Variants in MYO1F observed in about 807,000 individuals in gnomAD.
MYO1F encodes the protein myosin IF.
MYO1F carries 60 observed loss-of-function variants against 146.6 expected under a neutral mutation model. The ratio of observed to expected loss-of-function variants is 0.41; its 90% confidence interval spans 0.33 to 0.51. The LOEUF is 0.51. MYO1F is among the 20% of genes least tolerant of loss of function. MYO1F has a pLI of 0.25. For missense variants in MYO1F, 1,274 were observed against 1,534.3 expected (o/e 0.83, Z 2.83); for synonymous variants, 602 against 602.1 (o/e 1.00, Z 0.00).
intron 19 of MYO1F, among the ~76,000 whole-genome samples, chr19:8,531,867 C>T (rs1972501286): frequency 1.3e-5 from 2 of 150,378 alleles, no homozygotes; most frequent in Non-Finnish European, 3.0e-5. Context: ...CCTGTAATCC[C>T]AGCATTTTGG....
intron 1 of MYO1F, among the ~76,000 whole-genome samples, chr19:8,565,711 G>C (rs1027971701): frequency 1.3e-5 from 2 of 151,902 alleles, no homozygotes; most frequent in African/African-American, 4.8e-5. Context: ...TCAGTGGGTG[G>C]GGACACGGGA....
intron 9 of MYO1F, 32 bp from the exon 10 acceptor site, chr19:8,550,388 A>G: frequency 6.3e-7 from 1 of 1,597,258 alleles, no homozygotes; most frequent in Non-Finnish European, 8.5e-7. Flanking sequence ...CAAAAATGGG[A>G]CAGTTGGTTG....
At chr19:8,562,259 A>C (rs529357123) in intron 1 of MYO1F, among the ~76,000 whole-genome samples, 2 of 150,258 alleles carry the variant, frequency 1.3e-5, no homozygotes, top group South Asian at 2.1e-4. Flanking sequence ...CCTTGGCCTC[A>C]CAAAGCACTG....
At chr19:8,542,067 C>A in intron 14 of MYO1F, 76 bp from the exon 15 acceptor site, 2 of 1,225,078 alleles carry the variant, frequency 1.6e-6, no homozygotes, top group South Asian at 1.2e-5. Flanking sequence ...TGCTTACAGC[C>A]CAGGTGGTCA....
intron 19 of MYO1F, among the ~76,000 whole-genome samples, chr19:8,531,169 G>A (rs899845039): frequency 1.3e-5 from 2 of 151,782 alleles, no homozygotes; most frequent in Non-Finnish European, 2.9e-5. Context: ...TCAACATGGA[G>A]AAACCCTGTC....
chr19:8,577,222 T>G lies in MYO1F; in HGVS notation c.3+85A>C. 1.3e-6 allele frequency: 2 copies of G among 1,522,896 alleles called. No individual in the cohort carries two copies. The highest frequency in any genetic ancestry group is 9.0e-7 in the Non-Finnish European group (1 of 1,110,934). 94.3% of individuals were successfully genotyped at this position (1,522,896 alleles called of 1,614,324 possible). A position where few individuals can be genotyped will look rare whatever the true frequency, so the allele number is the denominator to read the frequency against. ...CACCATGCCCCTCCCCTCACCCCAA[T>G]TTCTGATGGTCATTTTTAGGACACC... On this transcript the variant is annotated intron_variant, in intron 1 of 27. Coordinates refer to ENST00000644032, the MANE Select transcript of MYO1F (RefSeq NM_012335.4). This position sits in a 1 kb window ranked among gnomAD's most constrained non-coding sequence, Gnocchi z 4.3.
intron 2 of MYO1F, chr19:8,555,349 C>T: frequency 3.4e-6 from 1 of 297,354 alleles, no homozygotes; most frequent in Non-Finnish European, 6.2e-6. Flanking sequence ...CAGCCTGGAA[C>T]CTGGGCGACA....
chr19:8,551,481 A>C, intron 8 of MYO1F: 2 of 455,486 alleles, frequency 4.4e-6, no homozygotes, highest in African/African-American at 2.0e-5. Context: ...CCTCCCCAGT[A>C]GCTGGGATTA....
At chr19:8,522,885 G>A (rs1972119266) in intron 25 of MYO1F, 56 bp from the exon 26 acceptor site, 2 of 1,480,170 alleles carry the variant, frequency 1.4e-6, no homozygotes, top group Admixed American at 2.0e-5. Context: ...GAGGATTTGA[G>A]GAGGACTTGG....
chr19:8,543,628 C>G (rs1973073460), intron 14 of MYO1F, among the ~76,000 whole-genome samples: 1 of 145,348 alleles, frequency 6.9e-6, no homozygotes, highest in African/African-American at 2.6e-5. Context: ...AGCCCTGGCC[C>G]AGGGAACACG....
chr19:8,543,151 G>T (rs1013718527), intron 14 of MYO1F, among the ~76,000 whole-genome samples: 1 of 152,004 alleles, frequency 6.6e-6, no homozygotes, highest in Non-Finnish European at 1.5e-5. Context: ...TGATCCACCC[G>T]CCTCAGCCTC....
Position 8,541,987 on chromosome 19 carries a change from G to A in MYO1F, c.1529C>T (p.Ser510Phe), listed in dbSNP as rs1487464969. The change falls in exon 15 of 28, where the codon TCC (serine) becomes TTC (phenylalanine). Residue 510 changes from serine to phenylalanine, a missense_variant. Physicochemically the swap from Ser to Phe is radical, Grantham distance 155. This residue lies in a region of MYO1F where 900 missense variants were observed against 1,155.1 expected (regional missense o/e 0.78). Transcript: ENST00000644032. ...FVIHHYAGKVSYDVSGFCERN... is the reference protein window; with the variant it reads ...FVIHHYAGKVFYDVSGFCERN... ...CTCGCAGAAGCCGCTGACGTCGTAG[G>A]AGACCTGGAGGGGACAGTGCTGAGG... The A allele has an allele frequency of 6.2e-7, 1 of 1,613,108 alleles. No homozygotes were observed. Among genetic ancestry groups the A allele is most frequent in the South Asian group, 1.1e-5 (1 of 91,086 alleles).
chr19:8,527,234 T>C, intron 22 of MYO1F, 104 bp downstream of exon 22: 1 of 1,497,510 alleles, frequency 6.7e-7, no homozygotes, highest in Non-Finnish European at 9.2e-7. Context: ...GCTACAGGCA[T>C]GGCACCAGGT....
chr19:8,528,082 C>T (rs1209083913), intron 21 of MYO1F, among the ~76,000 whole-genome samples: 1 of 151,910 alleles, frequency 6.6e-6, no homozygotes, highest in African/African-American at 2.4e-5. Context: ...ATTAGCTGGG[C>T]GAGGTGGTGG....
At chr19:8,522,237 T>G in intron 27 of MYO1F, 140 bp downstream of exon 27, 1 of 1,038,882 alleles carries the variant, frequency 9.6e-7, no homozygotes, top group Admixed American at 1.9e-5. Flanking sequence ...TTAGCCAGGA[T>G]GGTCTCGATC....
intron 25 of MYO1F, 105 bp downstream of exon 25, chr19:8,525,374 G>A (rs1972221659): frequency 2.1e-6 from 2 of 958,402 alleles, no homozygotes; most frequent in Non-Finnish European, 3.3e-6. Context: ...GGACAGAGAA[G>A]TGAGTGGTAA....
chr19:8,562,092 T>C (rs1041441074), intron 1 of MYO1F, among the ~76,000 whole-genome samples: 2 of 151,774 alleles, frequency 1.3e-5, no homozygotes, highest in African/African-American at 4.8e-5. Flanking sequence ...TGAAGGGCAG[T>C]GGCACAATCT....
At chr19:8,529,157 C>T (rs919443663) in intron 21 of MYO1F, among the ~76,000 whole-genome samples, 1 of 151,908 alleles carries the variant, frequency 6.6e-6, no homozygotes, top group Non-Finnish European at 1.5e-5. Flanking sequence ...GTGAGGGTGT[C>T]CAGGCCATAT....
At chr19:8,574,551 CTTTCTTTCTTTCTTTCTTTCTTTCTT>C (rs1290450428) in intron 1 of MYO1F, among the ~76,000 whole-genome samples, 38 of 86,048 alleles carry the variant, frequency 4.4e-4, no homozygotes, top group African/African-American at 2.0e-3. Flanking sequence ...TTCTTTCTTT[CTTTCTTTCTTTCTTTCTTTCTTTCTT>C]TCTCTCTCTC....
Sources: allele counts gnomAD v4.1 joint callset (sites outside exome capture counted in the v4.1 genomes callset), GRCh38; gene constraint gnomAD v4.1.1; regional missense constraint gnomAD v4.1.1; non-coding constraint Gnocchi (gnomAD v3.1); transcripts MANE v1.5; gene names NCBI Gene and HGNC (gene_info 2026-07-23, HGNC 2026-07-21).